ATP9B: variants seen among roughly 807,000 people sequenced by gnomAD.
ATP9B encodes probable phospholipid-transporting ATPase IIB.
A neutral mutation model predicts 146.1 loss-of-function variants in ATP9B; 110 were observed. The observed-to-expected ratio is 0.75, with a 90% CI of 0.65 to 0.88. ATP9B has a LOEUF of 0.88. Ranked by LOEUF, ATP9B falls within the 40% of genes least tolerant of loss-of-function variation. ATP9B has a pLI of 0.00. For synonymous variants in ATP9B, 604 were observed against 569.7 expected (o/e 1.06, Z -0.86); for missense variants, 1,499 against 1,496.4 (o/e 1.00, Z -0.03).
chr18:79,313,798 A>T (rs1454140440), intron 15 of ATP9B, among the ~76,000 whole-genome samples: 1 of 152,222 alleles, frequency 6.6e-6, no homozygotes, highest in African/African-American at 2.4e-5. Flanking sequence ...TCTACTTGGG[A>T]AATTGGACAA....
intron 26 of ATP9B, among the ~76,000 whole-genome samples, chr18:79,366,939 T>C (rs1246233925): frequency 1.3e-5 from 2 of 152,218 alleles, no homozygotes; most frequent in Non-Finnish European, 2.9e-5. Flanking sequence ...GGGCTAGCAC[T>C]GAACACCCTG....
At chr18:79,125,878 T>G (rs1487697806) in intron 4 of ATP9B, among the ~76,000 whole-genome samples, 1 of 152,188 alleles carries the variant, frequency 6.6e-6, no homozygotes, top group African/African-American at 2.4e-5. Context: ...TAAGAAAAAT[T>G]TAAGTGCAGA....
At chr18:79,376,456 C>G (rs2097104018) in intron 29 of ATP9B, 1 of 941,830 alleles carries the variant, frequency 1.1e-6, no homozygotes, top group Non-Finnish European at 1.3e-6. Flanking sequence ...GTGGCACAAT[C>G]TTGGCTCACT....
chr18:79,113,505 A>G, intron 4 of ATP9B, 151 bp downstream of exon 4: 2 of 565,920 alleles, frequency 3.5e-6, no homozygotes, highest in Non-Finnish European at 6.0e-6. Context: ...TTGCTGAGTG[A>G]TTTCAGTCCC....
chr18:79,359,215 T>G (rs1202912574), intron 25 of ATP9B, 139 bp from the exon 26 acceptor site: 8 of 613,124 alleles, frequency 1.3e-5, no homozygotes, highest in Non-Finnish European at 2.0e-5. Context: ...TCATCTTACT[T>G]GGTTGCCAAC....
intron 13 of ATP9B, among the ~76,000 whole-genome samples, chr18:79,282,317 T>A (rs1379880660): frequency 3.3e-5 from 5 of 152,198 alleles, no homozygotes; most frequent in Non-Finnish European, 5.9e-5. Context: ...TGAAGTTCTT[T>A]GAGTAAAATG....
At chr18:79,238,567 C>T (rs538379215) in intron 11 of ATP9B, among the ~76,000 whole-genome samples, 7 of 152,256 alleles carry the variant, frequency 4.6e-5, no homozygotes, top group East Asian at 3.9e-4. Flanking sequence ...AGGTGGTCAT[C>T]GCGATTCAGA....
chr18:79,254,487 T>G (rs1282235548), intron 12 of ATP9B: 1 of 152,434 alleles, frequency 6.6e-6, no homozygotes, highest in Non-Finnish European at 1.5e-5. Flanking sequence ...CAGCCTCCTT[T>G]CTGCCCGTCA....
intron 8 of ATP9B, among the ~76,000 whole-genome samples, chr18:79,179,829 A>G (rs1287986764): frequency 6.6e-6 from 1 of 152,216 alleles, no homozygotes; most frequent in Non-Finnish European, 1.5e-5. Context: ...TGTTTAAAAA[A>G]GTTTTATAGT....
chr18:79,157,161 G>A (rs991152050), intron 7 of ATP9B, among the ~76,000 whole-genome samples: 3 of 151,612 alleles, frequency 2.0e-5, no homozygotes, highest in Non-Finnish European at 4.4e-5. Flanking sequence ...AGGAGTTTGA[G>A]ACTAGCCTTG....
chr18:79,294,541 T>C (rs1036882758), intron 13 of ATP9B, among the ~76,000 whole-genome samples: 3 of 152,160 alleles, frequency 2.0e-5, no homozygotes, highest in African/African-American at 7.2e-5. Context: ...CTTTAACAAA[T>C]CAATTTCAAG....
chr18:79,172,637 G>A (rs921217357), intron 7 of ATP9B, among the ~76,000 whole-genome samples: 3 of 152,182 alleles, frequency 2.0e-5, no homozygotes, highest in African/African-American at 2.4e-5. Context: ...CGTAGCCACC[G>A]TGCCCGCCTA....
At chr18:79,167,884 A>G (rs1421086840) in intron 7 of ATP9B, among the ~76,000 whole-genome samples, 1 of 146,248 alleles carries the variant, frequency 6.8e-6, no homozygotes, top group Non-Finnish European at 1.5e-5. Context: ...TCAACATGCC[A>G]TGTATGGTTC....
intron 12 of ATP9B, among the ~76,000 whole-genome samples, chr18:79,275,233 T>C (rs1241135100): frequency 6.7e-6 from 1 of 149,676 alleles, no homozygotes; most frequent in Non-Finnish European, 1.5e-5. Flanking sequence ...TCCCCTCTTC[T>C]GTACAGGAAG....
intron 7 of ATP9B, among the ~76,000 whole-genome samples, chr18:79,156,470 T>TGAC (rs1302234335): frequency 3.9e-5 from 6 of 152,214 alleles, no homozygotes; most frequent in Non-Finnish European, 7.3e-5. Flanking sequence ...TTGTTAAAGA[T>TGAC]GCCAAAGCTT....
chr18:79,069,852 A>G (rs2146326766), intron 1 of ATP9B, among the ~76,000 whole-genome samples: 1 of 152,318 alleles, frequency 6.6e-6, no homozygotes, highest in East Asian at 1.9e-4. Context: ...AAAAGTGCTA[A>G]CTTCTCGGAT....
Position 79,175,731 on chromosome 18 carries a change from TACAC to T in ATP9B, c.779-1078_779-1075del, listed in dbSNP as rs1003361013. On this transcript the variant is annotated intron_variant, in intron 7 of 29. Transcript: ENST00000426216. ...ACACAGATACCCATGTACACAAACATACACACAAGCACACACAAATACATATGTA... is the reference window on the plus strand; with the variant it reads ...ACACAGATACCCATGTACACAAACATACAAGCACACACAAATACATATGTA... Among the ~76,000 whole-genome samples the T allele has an allele frequency of 7.9e-5, 12 of 152,072 alleles. No individual in the cohort carries two copies. The South Asian group carries it at 8.3e-4, about 11-fold the overall frequency.
chr18:79,161,060 G>A (rs1328963733), intron 7 of ATP9B, among the ~76,000 whole-genome samples: 1 of 152,112 alleles, frequency 6.6e-6, no homozygotes, highest in Non-Finnish European at 1.5e-5. Context: ...GTAAACCACT[G>A]AGCCCGGCCA....
intron 28 of ATP9B, 167 bp downstream of exon 28, chr18:79,374,268 C>G (rs901105882): frequency 7.8e-6 from 6 of 767,028 alleles, no homozygotes; most frequent in African/African-American, 3.5e-5. Context: ...AGGCGCTGAG[C>G]CCCGTCGGTC....
Sources: allele counts gnomAD v4.1 joint callset (sites outside exome capture counted in the v4.1 genomes callset), GRCh38; gene constraint gnomAD v4.1.1; transcripts MANE v1.5; gene names NCBI Gene and HGNC (gene_info 2026-07-23, HGNC 2026-07-21).